The following SECISBP2L variants were observed in gnomAD, a reference collection of about 807,000 sequenced individuals.
SECISBP2L encodes the protein SECIS binding protein 2 like.
Under a neutral mutation model 114.7 loss-of-function variants are expected in SECISBP2L, and 43 were observed. The observed-to-expected ratio is 0.38, with a 90% CI of 0.29 to 0.48. The LOEUF is 0.48. Ranked by LOEUF, SECISBP2L falls within the 20% of genes least tolerant of loss-of-function variation. The pLI, the probability that SECISBP2L is intolerant of heterozygous loss-of-function variation, is 0.98. For synonymous variants in SECISBP2L, 451 were observed against 439.7 expected (o/e 1.03, Z -0.32); for missense variants, 1,136 against 1,301.1 (o/e 0.87, Z 1.95).
At position 49,019,636 on chromosome 15, in the gene SECISBP2L, G is replaced by C. The variant is rs560389228; in HGVS notation, c.1036-84C>G. ...AAATATATAACATACTGGCAGAAAA[G>C]TACACGCAAGTGTACAACTCAATAA... On this transcript the variant is annotated intron_variant, in intron 7 of 17. Coordinates refer to ENST00000559471, the MANE Select transcript of SECISBP2L (RefSeq NM_001193489.2). 163 of 1,121,202 alleles carry C rather than the reference G, an allele frequency of 1.5e-4. 3 individuals carry two copies. The South Asian group carries it at 3.4e-3, about 23-fold the overall frequency. 69.5% of individuals were successfully genotyped at this position (1,121,202 alleles called of 1,614,324 possible).
chr15:49,024,546 C>T (rs1458623309), intron 7 of SECISBP2L, among the ~76,000 whole-genome samples: 1 of 142,892 alleles, frequency 7.0e-6, no homozygotes, highest in Non-Finnish European at 1.5e-5. Context: ...AAAATGGAAA[C>T]ACAAACCAGG....
intron 1 of SECISBP2L, among the ~76,000 whole-genome samples, chr15:49,038,266 CTTAACA>C (rs796474240): frequency 2.6e-4 from 39 of 152,038 alleles, no homozygotes; most frequent in African/African-American, 8.7e-4. Flanking sequence ...TGAAAAAATA[CTTAACA>C]TTAACAAGAA....
At chr15:49,007,402 C>T (rs560042573) in intron 14 of SECISBP2L, among the ~76,000 whole-genome samples, 62 of 152,324 alleles carry the variant, frequency 4.1e-4, no homozygotes, top group African/African-American at 1.3e-3. Context: ...CACAGCTGCC[C>T]CTTCCCCAAG....
intron 1 of SECISBP2L, among the ~76,000 whole-genome samples, chr15:49,040,842 C>A (rs1380489772): frequency 2.0e-5 from 3 of 151,770 alleles, no homozygotes; most frequent in Non-Finnish European, 2.9e-5. Context: ...CCGGCCGATC[C>A]CAAACTATTC....
intron 17 of SECISBP2L, among the ~76,000 whole-genome samples, 172 bp from the exon 18 acceptor site, chr15:48,993,098 A>AGAGAGT (rs1555385014): frequency 2.5e-5 from 3 of 121,996 alleles, no homozygotes; most frequent in Non-Finnish European, 4.7e-5. Context: ...AGACAGAGAG[A>AGAGAGT]GAGTGTGTGT....
chr15:49,017,840 A>G (rs1595789107), intron 8 of SECISBP2L: 2 of 377,380 alleles, frequency 5.3e-6, no homozygotes, highest in Non-Finnish European at 9.4e-6. Flanking sequence ...ACACATGTCC[A>G]GTTTTTGGAT....
At chr15:49,003,986 A>G (rs1395547442) in intron 14 of SECISBP2L, among the ~76,000 whole-genome samples, 3 of 151,830 alleles carry the variant, frequency 2.0e-5, no homozygotes, top group Non-Finnish European at 4.4e-5. Context: ...CTCTTTTTCT[A>G]TTGTTTGGAA....
In SECISBP2L at chr15:49,037,674, T is replaced by A. The variant is rs1230225758; in HGVS notation, c.120A>T (p.Gly40=). The A allele has an allele frequency of 6.2e-7, 1 of 1,613,896 alleles. No individual in the cohort carries two copies. The highest frequency in any genetic ancestry group is 2.2e-5 in the East Asian group (1 of 44,856). ...GAGTTGGTTCCACACCAGAAACACT[T>A]CCATTATCATTTGGGAGAGCCATAG... The part of the protein sequence containing the change: ...MIPMALPNDN[G]SVSGVEPTPI... Residue 40 remains glycine (G), a synonymous_variant, in exon 2 of 18, where the codon GGA becomes GGT. Coordinates refer to ENST00000559471, the MANE Select transcript of SECISBP2L (RefSeq NM_001193489.2).
rs774748910 is a variant in SECISBP2L, at chr15:49,019,462, G to A, written c.1126C>T (p.Gln376Ter). The A allele has an allele frequency of 4.0e-6, 6 of 1,503,124 alleles. No individual in the cohort carries two copies. Among genetic ancestry groups the A allele is most frequent in the Non-Finnish European group, 8.8e-7 (1 of 1,133,982 alleles). 93.1% of individuals were successfully genotyped at this position (1,503,124 alleles called of 1,614,324 possible). ...GAATTTGGATCGCTTCTATGGGATTGACTAGAGCTTAAATGCTTATTATCT... is the reference window on the plus strand; with the variant it reads ...GAATTTGGATCGCTTCTATGGGATTAACTAGAGCTTAAATGCTTATTATCT... ...RPDNKHLSSSQSHRSDPNSES... is the reference protein window; with the variant it reads ...RPDNKHLSSS The change falls in exon 8 of 18, where the codon CAA becomes TAA. Residue 376 changes from glutamine to a stop codon, truncating the protein, a stop_gained. Coordinates refer to ENST00000559471, the MANE Select transcript of SECISBP2L (RefSeq NM_001193489.2). LOFTEE classifies it high-confidence loss of function.
At chr15:49,039,610 T>C (rs535896496) in intron 1 of SECISBP2L, among the ~76,000 whole-genome samples, 29 of 151,348 alleles carry the variant, frequency 1.9e-4, no homozygotes, top group African/African-American at 5.3e-4. Context: ...TCATGGCTCA[T>C]TGCAGCCTCA....
Position 49,033,083 on chromosome 15 carries a change from C to T in SECISBP2L, c.546G>A (p.Gln182=), listed in dbSNP as rs35556804. Residue 182 remains glutamine, a synonymous_variant, in exon 4 of 18, where the codon CAG becomes CAA. Coordinates refer to ENST00000559471, the MANE Select transcript of SECISBP2L (RefSeq NM_001193489.2). ...CCAGCGGCCTTTTGCTTTTTATGTG[C>T]TGTTGTAAAAGCTGTTGCTGATTTA... is the stretch of plus-strand genomic sequence containing the variant. ...SVVPKQQLLQ[Q]HIKSKRPLVK... is the part of the protein sequence containing the mutation. 1.3e-3 allele frequency: 2,031 copies of T among 1,613,414 alleles called. 30 individuals are homozygous for T. In the African/African-American group the frequency reaches 0.025, roughly 20 times the overall value.
chr15:49,029,982 T>C (rs956537917), intron 4 of SECISBP2L, among the ~76,000 whole-genome samples: 1 of 151,388 alleles, frequency 6.6e-6, no homozygotes, highest in Non-Finnish European at 1.5e-5. Context: ...ATCTGACTTC[T>C]GCCATTTTTC....
rs188079190 is a variant in SECISBP2L, at chr15:49,042,127, A to G, written c.24+4149T>C. On this transcript the variant is annotated intron_variant, in intron 1 of 17. Transcript: ENST00000559471. ...AAAAAACCAGCTTTCTAGATTTAAT[A>G]TTAGTTTCTGAATTATCCACTACTT... is the stretch of plus-strand genomic sequence containing the variant. Among the ~76,000 whole-genome samples, 36 of 152,306 alleles carry G rather than the reference A, an allele frequency of 2.4e-4. No homozygotes were observed. The East Asian group carries it at 6.4e-3, about 27-fold the overall frequency.
At chr15:49,043,628 G>A (rs1465428110) in intron 1 of SECISBP2L, among the ~76,000 whole-genome samples, 22 of 139,670 alleles carry the variant, frequency 1.6e-4, no homozygotes, top group African/African-American at 5.3e-4. Context: ...TTTTTTCAGG[G>A]GAAAAAATGC....
At position 49,035,443 on chromosome 15, in the gene SECISBP2L, A is replaced by G. The variant is rs1454631399; in HGVS notation, c.419T>C (p.Val140Ala). The G allele has an allele frequency of 8.1e-6, 13 of 1,614,088 alleles. No individual in the cohort carries two copies. Among genetic ancestry groups the G allele is most frequent in the Non-Finnish European group, 1.1e-5 (13 of 1,180,032 alleles). Residue 140 changes from valine (V) to alanine (A), a missense_variant, in exon 3 of 18, where the codon GTA becomes GCA. This residue lies in a region of SECISBP2L where 452 missense variants were observed against 452.3 expected (regional missense o/e 1.00). Transcript: ENST00000559471. ...AGTGCATTCTGTGGTGATAGCATTT[A>G]CAGTATTTGCAGCCTGAAAGGTGTT... is the stretch of plus-strand genomic sequence containing the variant. ...YSNTFQAANT[V>A]NAITTECTER...
At chr15:49,044,827 G>C (rs549194463) in intron 1 of SECISBP2L, among the ~76,000 whole-genome samples, 1 of 152,246 alleles carries the variant, frequency 6.6e-6, no homozygotes, top group South Asian at 2.1e-4. Flanking sequence ...ATTTCCTCTA[G>C]GATGAAAGGA....
intron 8 of SECISBP2L, among the ~76,000 whole-genome samples, chr15:49,019,074 T>C (rs1481451338): frequency 6.6e-6 from 1 of 152,174 alleles, no homozygotes; most frequent in Admixed American, 6.5e-5. Flanking sequence ...TACTCAAATC[T>C]GAAAAGCCTT....
Position 49,031,054 on chromosome 15 carries a change from TTTTTTTC to T in SECISBP2L, c.664+1904_664+1910del, listed in dbSNP as rs1267429999. The stretch of plus-strand genomic sequence containing the variant: ...ATCATTTTCTTTTTTTTTTTTTTTT[TTTTTTTC>T]CCTTTTGAGACAGAGTCTTTCTCAG... On this transcript the variant is annotated intron_variant, in intron 4 of 17. Coordinates refer to ENST00000559471, the MANE Select transcript of SECISBP2L (RefSeq NM_001193489.2). Among the ~76,000 whole-genome samples, 168 of 128,590 alleles carry T rather than the reference TTTTTTTC, an allele frequency of 1.3e-3. 1 individual carries two copies. The highest frequency in any genetic ancestry group is 7.3e-3 in the East Asian group (35 of 4,792). The allele number at this position is 128,590 out of a possible 152,430, so 84.4% of individuals were successfully genotyped here.
intron 14 of SECISBP2L, among the ~76,000 whole-genome samples, chr15:49,007,305 T>C (rs1406787028): frequency 6.6e-6 from 1 of 152,216 alleles, no homozygotes; most frequent in Non-Finnish European, 1.5e-5. Flanking sequence ...GTCTGTCCCT[T>C]AGCAGAGCTT....
Sources: gnomAD v4.1 joint callset for allele counts (sites outside exome capture counted in the v4.1 genomes callset) on GRCh38, gnomAD v4.1.1 for gene constraint, gnomAD v4.1.1 regional missense constraint, MANE v1.5 for transcripts, NCBI Gene and HGNC (gene_info 2026-07-23, HGNC 2026-07-21) for gene names.